Variants in ZBTB20 observed in about 807,000 individuals in gnomAD.
ZBTB20 encodes zinc finger and BTB domain containing 20.
Under a neutral mutation model 56.9 loss-of-function variants are expected in ZBTB20, and 9 were observed. The observed-to-expected ratio is 0.16, with a 90% CI of 0.10 to 0.28. The LOEUF (loss-of-function observed/expected upper bound fraction) is 0.28, where lower values mean the gene tolerates loss of function less well. ZBTB20 is among the 10% of genes least tolerant of loss of function. The pLI is 1.00. For synonymous variants in ZBTB20, 417 were observed against 420.7 expected (o/e 0.99, Z 0.11); for missense variants, 655 against 1,003.0 (o/e 0.65, Z 4.69).
intron 6 of ZBTB20, among the ~76,000 whole-genome samples, chr3:114,566,021 T>A (rs939399914): frequency 5.9e-5 from 9 of 151,902 alleles, no homozygotes; most frequent in South Asian, 2.1e-4. Context: ...TTTCTTTTTT[T>A]AAAAGAAACC....
rs568310606 is a variant in ZBTB20 at position 114,696,190 on chromosome 3, T to C, written c.-342-2615A>G. ...TTATCTTGTGCACCAGATTTTTCCA[T>C]ACAAAGGAATTCTAAATTGCAATAG... On this transcript the variant is annotated intron_variant, in intron 5 of 11. Coordinates refer to ENST00000675478, the MANE Select transcript of ZBTB20 (RefSeq NM_001348800.3). Among the ~76,000 whole-genome samples the C allele has an allele frequency of 3.9e-5, 6 of 152,186 alleles. No homozygotes were observed. In the South Asian group the frequency reaches 1.2e-3, roughly 31 times the overall value.
intron 4 of ZBTB20, among the ~76,000 whole-genome samples, chr3:114,842,760 A>T (rs181764914): frequency 6.6e-6 from 1 of 152,346 alleles, no homozygotes; most frequent in East Asian, 1.9e-4. Flanking sequence ...GGAAACGTAT[A>T]GGTTAGTGTG....
intron 1 of ZBTB20, among the ~76,000 whole-genome samples, chr3:115,101,237 G>A (rs2083572771): frequency 6.6e-6 from 1 of 152,104 alleles, no homozygotes; most frequent in Admixed American, 6.5e-5. Context: ...AACTACAGCA[G>A]TTACCCTTAA....
chr3:115,087,225 A>G (rs930885577), intron 1 of ZBTB20, among the ~76,000 whole-genome samples: 2 of 151,836 alleles, frequency 1.3e-5, no homozygotes, highest in Admixed American at 6.6e-5. Flanking sequence ...ATTAACTGTA[A>G]TTAGGAGGTA....
intron 4 of ZBTB20, among the ~76,000 whole-genome samples, chr3:114,878,575 TAA>T (rs10609736): frequency 0.1 from 13,716 of 137,578 alleles, 1,682 homozygotes; most frequent in African/African-American, 0.29. Context: ...CTTGGAGAAT[TAA>T]AAAAAAAAAA....
At chr3:114,986,296 C>A (rs892287970) in intron 2 of ZBTB20, among the ~76,000 whole-genome samples, 5 of 152,056 alleles carry the variant, frequency 3.3e-5, no homozygotes, top group Non-Finnish European at 5.9e-5. Flanking sequence ...CATCAGCTTT[C>A]TCTGCATATT....
chr3:114,628,494 T>A (rs1480025879), intron 6 of ZBTB20, among the ~76,000 whole-genome samples: 1 of 152,136 alleles, frequency 6.6e-6, no homozygotes, highest in Non-Finnish European at 1.5e-5. Context: ...TTCTAACTAC[T>A]TTTCCAATCA....
At chr3:114,583,367 C>T (rs558605858) in intron 6 of ZBTB20, among the ~76,000 whole-genome samples, 86 of 152,226 alleles carry the variant, frequency 5.6e-4, no homozygotes, top group South Asian at 1.7e-3. Flanking sequence ...GCAAAAAGAT[C>T]AATGGACTTT....
At chr3:115,002,092 C>A (rs2079275190) in intron 2 of ZBTB20, among the ~76,000 whole-genome samples, 2 of 151,460 alleles carry the variant, frequency 1.3e-5, no homozygotes, top group South Asian at 4.1e-4. Context: ...CACATAAGTA[C>A]AGTCAACTGT....
chr3:115,011,496 G>A (rs1210286214), intron 2 of ZBTB20, among the ~76,000 whole-genome samples: 1 of 151,844 alleles, frequency 6.6e-6, no homozygotes, highest in African/African-American at 2.4e-5. Flanking sequence ...GCAGAGAGTG[G>A]CAGGTAATAT....
intron 7 of ZBTB20, among the ~76,000 whole-genome samples, chr3:114,432,035 T>C (rs2090158687): frequency 6.6e-6 from 1 of 152,162 alleles, no homozygotes; most frequent in Non-Finnish European, 1.5e-5. Flanking sequence ...GTCTCTTTCT[T>C]ATACAGACAG....
At chr3:114,797,702 C>T (rs1560262533) in intron 5 of ZBTB20, among the ~76,000 whole-genome samples, 3 of 151,864 alleles carry the variant, frequency 2.0e-5, no homozygotes, top group African/African-American at 7.2e-5. Context: ...CTTTGTTGAA[C>T]ATCTACATCT....
chr3:114,799,782 T>C (rs141969453), intron 5 of ZBTB20, among the ~76,000 whole-genome samples: 1,755 of 151,914 alleles, frequency 0.012, 17 homozygotes, highest in South Asian at 0.042. Context: ...AGTGCCAAAG[T>C]CTCCTTCATT....
chr3:114,434,122 A>G (rs1470396521), intron 7 of ZBTB20, among the ~76,000 whole-genome samples: 5 of 152,188 alleles, frequency 3.3e-5, no homozygotes, highest in African/African-American at 7.2e-5. Flanking sequence ...AGTTGGCATT[A>G]TAAGAACATC....
intron 4 of ZBTB20, among the ~76,000 whole-genome samples, chr3:114,804,316 T>G (rs573677763): frequency 6.6e-6 from 1 of 152,124 alleles, no homozygotes; most frequent in Admixed American, 6.6e-5. Flanking sequence ...GACCACATTC[T>G]ACTTTCTAAA....
chr3:114,552,697 T>C (rs1278969099), intron 6 of ZBTB20, among the ~76,000 whole-genome samples: 1 of 152,230 alleles, frequency 6.6e-6, no homozygotes, highest in African/African-American at 2.4e-5. Flanking sequence ...CTGGCTGCTA[T>C]ACCAGGCAAT....
At chr3:115,024,583 T>C (rs1474149729) in intron 2 of ZBTB20, among the ~76,000 whole-genome samples, 2 of 151,130 alleles carry the variant, frequency 1.3e-5, no homozygotes, top group East Asian at 1.9e-4. Flanking sequence ...TAACTCACAC[T>C]GGATATTAAA....
chr3:114,458,205 T>C (rs550921101), intron 7 of ZBTB20, among the ~76,000 whole-genome samples: 1 of 152,318 alleles, frequency 6.6e-6, no homozygotes, highest in African/African-American at 2.4e-5. Flanking sequence ...ATTGGCTTAA[T>C]TCCAGTTCGG....
chr3:114,611,913 G>A (rs904762904), intron 6 of ZBTB20, among the ~76,000 whole-genome samples: 1 of 152,134 alleles, frequency 6.6e-6, no homozygotes, highest in African/African-American at 2.4e-5. Flanking sequence ...CATTCTAACT[G>A]TCTGATAGCT....
Sources: allele counts gnomAD v4.1 joint callset (sites outside exome capture counted in the v4.1 genomes callset), GRCh38; gene constraint gnomAD v4.1.1; transcripts MANE v1.5; gene names NCBI Gene and HGNC (gene_info 2026-07-23, HGNC 2026-07-21).